RGSL1: variants seen among roughly 807,000 people sequenced by gnomAD.
RGSL1 encodes regulator of G protein signaling protein-like.
RGSL1 carries 97 observed loss-of-function variants against 124.7 expected under a neutral mutation model. The ratio of observed to expected loss-of-function variants is 0.78; its 90% CI spans 0.66 to 0.92. The LOEUF is 0.92. Among genes scored for constraint, RGSL1 ranks in the 40% least tolerant of loss-of-function variants. RGSL1 has a pLI of 0.00. For synonymous variants in RGSL1, 424 were observed against 438.1 expected (o/e 0.97, Z 0.40); for missense variants, 1,233 against 1,288.4 (o/e 0.96, Z 0.66).
At chr1:182,518,788 C>A (rs780550985) in intron 9 of RGSL1, among the ~76,000 whole-genome samples, 7 of 151,592 alleles carry the variant, frequency 4.6e-5, no homozygotes, top group Non-Finnish European at 1.0e-4. Context: ...CACTTCTCTG[C>A]ATCTCTGGGA....
intron 1 of RGSL1, among the ~76,000 whole-genome samples, chr1:182,451,319 T>C (rs1651806308): frequency 8.5e-6 from 1 of 117,212 alleles, no homozygotes; most frequent in Non-Finnish European, 2.1e-5. Flanking sequence ...TATCGATGGA[T>C]AAAAACAGTC....
chr1:182,500,505 A>G (rs1656268385), intron 9 of RGSL1, among the ~76,000 whole-genome samples: 1 of 152,106 alleles, frequency 6.6e-6, no homozygotes, highest in Admixed American at 6.6e-5. Context: ...TTGCAATTCT[A>G]TGTGAGTTTT....
chr1:182,510,390 T>C (rs1440435570), intron 9 of RGSL1, among the ~76,000 whole-genome samples: 1 of 38,748 alleles, frequency 2.6e-5, no homozygotes, highest in Non-Finnish European at 5.9e-5. Flanking sequence ...CTGGGCACCA[T>C]TGAGCACTGA....
chr1:182,473,497 A>T, intron 5 of RGSL1, 78 bp from the exon 6 acceptor site: 1 of 1,431,570 alleles, frequency 7.0e-7, no homozygotes, highest in Non-Finnish European at 9.2e-7. Flanking sequence ...TTTGAAAAAA[A>T]TTAAAAACCT....
At chr1:182,552,540 A>G (rs1167144652) in intron 18 of RGSL1, among the ~76,000 whole-genome samples, 1 of 152,236 alleles carries the variant, frequency 6.6e-6, no homozygotes, top group African/African-American at 2.4e-5. Context: ...TGGGAACAGC[A>G]TCAGAGAGTC....
At chr1:182,465,114 A>G (rs1255125990) in intron 4 of RGSL1, among the ~76,000 whole-genome samples, 1 of 146,788 alleles carries the variant, frequency 6.8e-6, no homozygotes, top group East Asian at 1.9e-4. Flanking sequence ...TGGGGACATT[A>G]CTATCAATTC....
intron 9 of RGSL1, among the ~76,000 whole-genome samples, chr1:182,497,823 TATC>T (rs892346037): frequency 6.6e-6 from 1 of 152,214 alleles, no homozygotes; most frequent in Non-Finnish European, 1.5e-5. Flanking sequence ...TATTCAGAAA[TATC>T]ATTGCAGTTC....
chr1:182,521,405 G>T (rs1313025327), intron 9 of RGSL1, among the ~76,000 whole-genome samples: 1 of 152,186 alleles, frequency 6.6e-6, no homozygotes, highest in African/African-American at 2.4e-5. Flanking sequence ...GGAGAATAAT[G>T]GTTTCTAAAT....
chr1:182,552,654 C>T (rs1225474020), intron 18 of RGSL1, among the ~76,000 whole-genome samples: 1 of 152,150 alleles, frequency 6.6e-6, no homozygotes. Context: ...AACAAAATAC[C>T]TCATATTGGG....
intron 15 of RGSL1, among the ~76,000 whole-genome samples, chr1:182,541,891 A>G (rs1262369469): frequency 2.0e-5 from 3 of 152,142 alleles, no homozygotes; most frequent in Non-Finnish European, 4.4e-5. Flanking sequence ...AGAAATGTCT[A>G]TTCAGATCTT....
chr1:182,501,283 T>TTTC (rs1265496712), intron 9 of RGSL1, among the ~76,000 whole-genome samples: 1 of 146,510 alleles, frequency 6.8e-6, no homozygotes, highest in African/African-American at 2.5e-5. Context: ...TTTCTTTTTT[T>TTTC]TCTTTTCTTT....
intron 13 of RGSL1, 50 bp downstream of exon 13, chr1:182,530,960 G>A (rs548297234): frequency 2.8e-5 from 42 of 1,517,296 alleles, no homozygotes; most frequent in South Asian, 7.7e-5. Flanking sequence ...GAAAACCATC[G>A]TCTTGGGGGT....
At chr1:182,556,291 G>C in intron 21 of RGSL1, 69 bp downstream of exon 21, 1 of 496,958 alleles carries the variant, frequency 2.0e-6, no homozygotes, top group South Asian at 3.1e-5. Flanking sequence ...AGGAGACCTG[G>C]GCTCTAGGTC....
chr1:182,534,182 G>T (rs1477278313), intron 14 of RGSL1, among the ~76,000 whole-genome samples: 2 of 152,274 alleles, frequency 1.3e-5, no homozygotes, highest in Admixed American at 6.5e-5. Flanking sequence ...ATGGGTAAAT[G>T]GTTAAAAACA....
chr1:182,495,187 G>A (rs888630600), intron 9 of RGSL1, among the ~76,000 whole-genome samples: 2 of 152,130 alleles, frequency 1.3e-5, no homozygotes, highest in East Asian at 3.9e-4. Context: ...TTGAGTGTTT[G>A]GCACTCAAAC....
intron 6 of RGSL1, among the ~76,000 whole-genome samples, chr1:182,481,334 T>C (rs1005693520): frequency 6.6e-6 from 1 of 152,036 alleles, no homozygotes; most frequent in African/African-American, 2.4e-5. Flanking sequence ...ACCAACAAAT[T>C]GGACAACCTA....
intron 9 of RGSL1, among the ~76,000 whole-genome samples, chr1:182,507,517 A>T (rs1448895609): frequency 6.6e-6 from 1 of 152,162 alleles, no homozygotes; most frequent in African/African-American, 2.4e-5. Flanking sequence ...CACGTAACAT[A>T]GTGACCACCA....
chr1:182,493,120 C>T lies in RGSL1; in HGVS notation c.1816C>T (p.Pro606Ser). 1 of 1,547,262 alleles carries T rather than the reference C, an allele frequency of 6.5e-7. No individual in the cohort carries two copies. Among genetic ancestry groups the T allele is most frequent in the East Asian group, 2.4e-5 (1 of 40,864 alleles). Residue 606 changes from proline (P) to serine (S), a missense_variant, in exon 9 of 22, where the codon CCT becomes TCT. Coordinates refer to ENST00000294854, the MANE Select transcript of RGSL1 (RefSeq NM_001137669.2). ...DDYKIYCEKA[P>S]KIDFKMEIIK... is the part of the protein sequence containing the mutation. Reference sequence around the variant, plus strand: ...CTACAAAATATACTGTGAGAAAGCACCTAAAATAGGCAAGTGTTTAAAATC... The same window carrying T: ...CTACAAAATATACTGTGAGAAAGCATCTAAAATAGGCAAGTGTTTAAAATC...
chr1:182,457,070 A>G (rs2101987486), intron 2 of RGSL1, among the ~76,000 whole-genome samples: 1 of 152,212 alleles, frequency 6.6e-6, no homozygotes, highest in Non-Finnish European at 1.5e-5. Flanking sequence ...TCACTTGAAC[A>G]CAGGAGGCGG....
Sources: gnomAD v4.1 joint callset for allele counts (sites outside exome capture counted in the v4.1 genomes callset) on GRCh38, gnomAD v4.1.1 for gene constraint, MANE v1.5 for transcripts, NCBI Gene and HGNC (gene_info 2026-07-23, HGNC 2026-07-21) for gene names.